Variants in ELMO3 observed in about 807,000 individuals in gnomAD.
ELMO3 encodes engulfment and cell motility protein 3.
In ELMO3, 81 loss-of-function variants were observed where a neutral mutation model predicts 89.0. That is an observed-to-expected ratio of 0.91 (90% CI 0.76 to 1.09). ELMO3 has a LOEUF of 1.09. Among genes scored for constraint, ELMO3 ranks in the 50% least tolerant of loss-of-function variants. ELMO3 has a pLI of 0.00. For synonymous variants in ELMO3, 406 were observed against 400.6 expected, an observed-to-expected ratio of 1.01 and a Z score of -0.16; for missense variants, 959 against 972.8, an observed-to-expected ratio of 0.99 and a Z score of 0.19.
At chr16:67,199,476 G>GGCCCCCCCCCCCCCCCCCC in intron 1 of ELMO3, 72 bp downstream of exon 1, 14 of 1,503,474 alleles carry the variant, frequency 9.3e-6, no homozygotes, top group African/African-American at 1.4e-5. Flanking sequence ...CCTCGGGGCA[G>GGCCCCCCCCCCCCCCCCCC]CCCGCCCCAC....
At position 67,199,720 on chromosome 16, in the gene ELMO3, G is replaced by T; in HGVS notation, c.156G>T (p.Gln52His). ...SLTHSERYALQFADGHRRYIT... is the reference protein window; with the variant it reads ...SLTHSERYALHFADGHRRYIT... The stretch of plus-strand genomic sequence containing the variant: ...CGCACTCTGAGCGTTACGCCCTGCA[G>T]TTTGCGGATGGGCACCGGAGATACA... Residue 52 changes from glutamine (Q) to histidine (H), a missense_variant, in exon 3 of 20, where the codon CAG becomes CAT. Transcript: ENST00000393997. 6.2e-7 allele frequency: 1 copy of T among 1,611,330 alleles called. No individual in the cohort carries two copies.
At position 67,203,858 on chromosome 16, in the gene ELMO3, G is replaced by C; in HGVS notation, c.2144G>C (p.Cys715Ser). 1 of 1,588,648 alleles carries C rather than the reference G, an allele frequency of 6.3e-7. No homozygotes were observed. The highest frequency in any genetic ancestry group is 8.6e-7 in the Non-Finnish European group (1 of 1,167,102). ...ACCAACTTCAACTTCTGCTATGACT[G>C]CAGCATCGCTGAACCTTGACAGTGT... is the stretch of plus-strand genomic sequence containing the variant. ...PPTNFNFCYD[C>S]SIAEP Residue 715 changes from cysteine to serine, a missense_variant, in exon 20 of 20, where the codon TGC (cysteine) becomes TCC (serine). By Grantham distance (112) the Cys-to-Ser change is moderately radical. Transcript: ENST00000393997. This position sits in a 1 kb window ranked among gnomAD's most constrained non-coding sequence, Gnocchi z 4.6.
At chr16:67,201,212 ATTTTTTTTTTT>A (rs753596419) in intron 8 of ELMO3, among the ~76,000 whole-genome samples, 162 bp from the exon 9 acceptor site, 17 of 94,242 alleles carry the variant, frequency 1.8e-4, no homozygotes, top group African/African-American at 3.9e-4. Context: ...CGCCCAGCTG[ATTTTTTTTTTT>A]TTTTTTTTTT....
In ELMO3 at chr16:67,203,572, TC is replaced by T. The variant is rs2033178645; in HGVS notation, c.1941del (p.Lys648SerfsTer32). The T allele has an allele frequency of 1.9e-6, 3 of 1,613,710 alleles. No homozygotes were observed. In the East Asian group the frequency reaches 6.7e-5, roughly 36 times the overall value. On this transcript the variant is annotated frameshift_variant, in exon 19 of 20. Coordinates refer to ENST00000393997, the MANE Select transcript of ELMO3 (RefSeq NM_024712.5). LOFTEE classifies it high-confidence loss of function. The surrounding 1 kb of genome is among the most constrained non-coding windows in gnomAD (Gnocchi z 4.6). ...EEAYLNFIAP[S>X]KREFYLWTDG... Reference sequence around the variant, plus strand: ...AGCGTACCTCAACTTCATTGCCCCCTCCAAGCGGGAGGTGAGTGTCCGCCAG... The same window carrying T: ...AGCGTACCTCAACTTCATTGCCCCCTCAAGCGGGAGGTGAGTGTCCGCCAG...
In ELMO3 at chr16:67,203,084, T is replaced by G. The variant is rs201406554; in HGVS notation, c.1676-35T>G. ...GCGGCTGGCTTGGTGTCAGGACCTC[T>G]CAGCACTCTGGCCCTCTTCCCTTTC... On this transcript the variant is annotated intron_variant, in intron 16 of 19. Coordinates refer to ENST00000393997, the MANE Select transcript of ELMO3 (RefSeq NM_024712.5). This position sits in a 1 kb window ranked among gnomAD's most constrained non-coding sequence, Gnocchi z 4.6. The G allele has an allele frequency of 1.6e-4, 259 of 1,594,756 alleles. No homozygotes were observed. In the African/African-American group the frequency reaches 2.9e-3, roughly 18 times the overall value.
Position 67,202,297 on chromosome 16 carries a change from G to T in ELMO3, c.1261+13G>T. ...GTTGGGGAGCCCTGTGAGTGGCCTG[G>T]ACTGGGCACAGCATGGCCAAGAGCA... On this transcript the variant is annotated intron_variant, in intron 13 of 19. Transcript: ENST00000393997. The T allele has an allele frequency of 1.9e-6, 3 of 1,612,588 alleles. No homozygotes were observed. The South Asian group carries it at 3.3e-5, about 18-fold the overall frequency.
chr16:67,199,906 C>T lies in ELMO3; in HGVS notation c.193-45C>T, dbSNP rs1196223604. 4 of 1,613,654 alleles carry T rather than the reference C, an allele frequency of 2.5e-6. No homozygotes were observed. In the South Asian group the frequency reaches 3.3e-5, roughly 13 times the overall value. On this transcript the variant is annotated intron_variant, in intron 3 of 19. Coordinates refer to ENST00000393997, the MANE Select transcript of ELMO3 (RefSeq NM_024712.5). ...ACCGACACCCCAGTTGATCAGTCCTCGGAGCCCTCCCTGACCTCGCTGCCT... is the reference window on the plus strand; with the variant it reads ...ACCGACACCCCAGTTGATCAGTCCTTGGAGCCCTCCCTGACCTCGCTGCCT...
At position 67,201,591 on chromosome 16, in the gene ELMO3, G is replaced by T. The variant is rs1159392330; in HGVS notation, c.867G>T (p.Met289Ile). The T allele has an allele frequency of 6.2e-7, 1 of 1,613,822 alleles. No homozygotes were observed. The highest frequency in any genetic ancestry group is 8.5e-7 in the Non-Finnish European group (1 of 1,180,038). ...ACCTGTACGTACTGCAGGCTCTCAT[G>T]CTGGGGCTGCTGGAGCCGCGCATGC... ...AHHLYVLQALMLGLLEPRMRT... is the reference protein window; with the variant it reads ...AHHLYVLQALILGLLEPRMRT... Residue 289 changes from methionine to isoleucine, a missense_variant, in exon 10 of 20, where the codon ATG becomes ATT. Transcript: ENST00000393997.
Position 67,201,931 on chromosome 16 carries a change from A to T in ELMO3, c.1051-46A>T, listed in dbSNP as rs763808040. ...TGCCTCAGCCCAGGGCTGTTGTTCC[A>T]GGCGGCCGTGGCCCTTCTTGAACTG... On this transcript the variant is annotated intron_variant, in intron 11 of 19. Coordinates refer to ENST00000393997, the MANE Select transcript of ELMO3 (RefSeq NM_024712.5). The T allele has an allele frequency of 1.2e-5, 19 of 1,605,742 alleles. No individual in the cohort carries two copies. The South Asian group carries it at 1.9e-4, about 16-fold the overall frequency.
chr16:67,202,619 G>A lies in ELMO3; in HGVS notation c.1399-8G>A, dbSNP rs1272522582. 11 of 1,613,270 alleles carry A rather than the reference G, an allele frequency of 6.8e-6. No individual in the cohort carries two copies. Among genetic ancestry groups the A allele is most frequent in the Admixed American group, 3.3e-5 (2 of 60,010 alleles). The stretch of plus-strand genomic sequence containing the variant: ...CTTAGGCCCTGAGCTGAGCTTGGGC[G>A]GCCCCAGGTCATGCAGGTGGTGCGG... On this transcript the variant is annotated splice_region_variant and splice_polypyrimidine_tract_variant and intron_variant, in intron 14 of 19. Coordinates refer to ENST00000393997, the MANE Select transcript of ELMO3 (RefSeq NM_024712.5).
chr16:67,203,641 C>T lies in ELMO3; in HGVS notation c.1951-24C>T. ...GGCAGGGGAGGCAGATGGGCAGACCCTCACGGCTCTGTGCCACCCCCAGTT... is the reference window on the plus strand; with the variant it reads ...GGCAGGGGAGGCAGATGGGCAGACCTTCACGGCTCTGTGCCACCCCCAGTT... On this transcript the variant is annotated intron_variant, in intron 19 of 19. Transcript: ENST00000393997. The surrounding 1 kb of genome is among the most constrained non-coding windows in gnomAD (Gnocchi z 4.6). The T allele has an allele frequency of 6.2e-7, 1 of 1,613,768 alleles. No individual in the cohort carries two copies. The highest frequency in any genetic ancestry group is 1.3e-5 in the African/African-American group (1 of 75,048).
Position 67,199,589 on chromosome 16 carries a change from G to T in ELMO3, c.115G>T (p.Asp39Tyr). ...PLAAVLKEVC[D>Y]AWSLTHSERY... ...GGCCGCTGTGCTGAAGGAGGTGTGCGACGCGTGAGTGCTGCCGGGCCAGGG... is the reference window on the plus strand; with the variant it reads ...GGCCGCTGTGCTGAAGGAGGTGTGCTACGCGTGAGTGCTGCCGGGCCAGGG... Residue 39 changes from aspartate (D) to tyrosine (Y), a missense_variant, in exon 2 of 20, where the codon GAC (aspartate) becomes TAC (tyrosine). By Grantham distance (160) the Asp-to-Tyr change is radical. Coordinates refer to ENST00000393997, the MANE Select transcript of ELMO3 (RefSeq NM_024712.5). The T allele has an allele frequency of 6.2e-7, 1 of 1,609,556 alleles. No individual in the cohort carries two copies. The highest frequency in any genetic ancestry group is 8.5e-7 in the Non-Finnish European group (1 of 1,179,308).
In ELMO3 at chr16:67,203,055, G is replaced by A; in HGVS notation, c.1675+51G>A. 6.3e-7 allele frequency: 1 copy of A among 1,598,024 alleles called. No individual in the cohort carries two copies. Among genetic ancestry groups the A allele is most frequent in the Non-Finnish European group, 8.5e-7 (1 of 1,174,764 alleles). Reference sequence around the variant, plus strand: ...GCAGAGGGCAGGCAGAGGGCAGGCAGAGGGCGGCTGGCTTGGTGTCAGGAC... The same window carrying A: ...GCAGAGGGCAGGCAGAGGGCAGGCAAAGGGCGGCTGGCTTGGTGTCAGGAC... On this transcript the variant is annotated intron_variant, in intron 16 of 19. Coordinates refer to ENST00000393997, the MANE Select transcript of ELMO3 (RefSeq NM_024712.5). This position sits in a 1 kb window ranked among gnomAD's most constrained non-coding sequence, Gnocchi z 4.6.
intron 8 of ELMO3, 41 bp downstream of exon 8, chr16:67,201,009 G>T: frequency 6.4e-7 from 1 of 1,567,652 alleles, no homozygotes; most frequent in Non-Finnish European, 8.6e-7. Context: ...AGCACCCGGT[G>T]GGCGCTGCCC....
At chr16:67,200,612 C>A (rs374195181) in intron 6 of ELMO3, 45 bp from the exon 7 acceptor site, 1 of 1,609,848 alleles carries the variant, frequency 6.2e-7, no homozygotes, top group Non-Finnish European at 8.5e-7. Flanking sequence ...GTGGTAGACC[C>A]GGTCTTCCAT....
chr16:67,200,851 G>A, intron 7 of ELMO3, 39 bp from the exon 8 acceptor site: 1 of 1,613,602 alleles, frequency 6.2e-7, no homozygotes, highest in Non-Finnish European at 8.5e-7. Context: ...GAGCAGGGCT[G>A]GAGCCTGAAT....
chr16:67,200,411 C>T lies in ELMO3; in HGVS notation c.414-40C>T. 3 of 1,608,092 alleles carry T rather than the reference C, an allele frequency of 1.9e-6. No homozygotes were observed. The African/African-American group carries it at 4.2e-5, about 22-fold the overall frequency. On this transcript the variant is annotated intron_variant, in intron 5 of 19. Transcript: ENST00000393997. ...GGGGAGATGGTGGGTCTTTCTGGTC[C>T]TGGGGTGGTCCTGCTCAGCCCCAGA...
rs369066135 is a variant in ELMO3 at position 67,199,254 on chromosome 16, C to G, written c.-73C>G. 1 of 1,611,550 alleles carries G rather than the reference C, an allele frequency of 6.2e-7. No individual in the cohort carries two copies. The highest frequency in any genetic ancestry group is 1.3e-5 in the African/African-American group (1 of 74,902). ...GAGGACCTCCTCGTCCCCAGGGGCC[C>G]CAGGCCAGGTGCACCCTTGGCCGCA... On this transcript the variant is annotated 5_prime_UTR_variant, in exon 1 of 20. Coordinates refer to ENST00000393997, the MANE Select transcript of ELMO3 (RefSeq NM_024712.5).
In ELMO3 at chr16:67,199,743, AC is replaced by A. The variant is rs1274023870; in HGVS notation, c.180del (p.Tyr60Ter). 1.2e-6 allele frequency: 2 copies of A among 1,610,860 alleles called. No homozygotes were observed. The highest frequency in any genetic ancestry group is 1.7e-6 in the Non-Finnish European group (2 of 1,179,658). ...ALQFADGHRR[Y>X]ITENNRAEIK... ...CAGTTTGCGGATGGGCACCGGAGATACATCACCGAGAATGTGAGTCCCCTCT... is the reference window on the plus strand; with the variant it reads ...CAGTTTGCGGATGGGCACCGGAGATAATCACCGAGAATGTGAGTCCCCTCT... On this transcript the variant is annotated frameshift_variant, in exon 3 of 20. Transcript: ENST00000393997. LOFTEE classifies it high-confidence loss of function.
Sources: allele counts gnomAD v4.1 joint callset (sites outside exome capture counted in the v4.1 genomes callset), GRCh38; gene constraint gnomAD v4.1.1; non-coding constraint Gnocchi (gnomAD v3.1); transcripts MANE v1.5; gene names NCBI Gene and HGNC (gene_info 2026-07-23, HGNC 2026-07-21).